The following MCF2L2 variants were observed in gnomAD, a reference collection of about 807,000 sequenced individuals.
MCF2L2 encodes probable guanine nucleotide exchange factor MCF2L2.
Under a neutral mutation model 150.2 loss-of-function variants are expected in MCF2L2, and 102 were observed. The observed-to-expected ratio is 0.68, with a 90% CI of 0.58 to 0.80. MCF2L2 has a LOEUF of 0.80. MCF2L2 is among the 30% of genes least tolerant of loss of function. The pLI, the probability that MCF2L2 is intolerant of heterozygous loss-of-function variation, is 0.00. For missense variants in MCF2L2, 1,256 were observed against 1,372.8 expected (o/e 0.91, Z 1.34); for synonymous variants, 465 against 491.3 (o/e 0.95, Z 0.71).
Position 183,224,150 on chromosome 3 carries a change from A to C in MCF2L2, c.2156T>G (p.Leu719Arg), listed in dbSNP as rs1171918223. The C allele has an allele frequency of 6.2e-7, 1 of 1,614,070 alleles. No individual in the cohort carries two copies. The highest frequency in any genetic ancestry group is 8.5e-7 in the Non-Finnish European group (1 of 1,179,926). Reference sequence around the variant, plus strand: ...TTGCCAGATTGCCCTAGCTCGGGGCAGATTCTTATGGTATTTAAAATATAT... The same window carrying C: ...TTGCCAGATTGCCCTAGCTCGGGGCCGATTCTTATGGTATTTAAAATATAT... ...LQIYFKYHKN[L>R]PRARAIWQEC... Residue 719 changes from leucine (L) to arginine (R), a missense_variant, in exon 19 of 30, where the codon CTG (leucine) becomes CGG (arginine). Coordinates refer to ENST00000328913, the MANE Select transcript of MCF2L2 (RefSeq NM_015078.4).
chr3:183,405,087 AAGC>A (rs1714974660), intron 1 of MCF2L2, among the ~76,000 whole-genome samples: 1 of 152,180 alleles, frequency 6.6e-6, no homozygotes, highest in Non-Finnish European at 1.5e-5. Flanking sequence ...TAGTTTTCAT[AAGC>A]AGAATATAAT....
chr3:183,279,176 T>C (rs7434257), intron 14 of MCF2L2, among the ~76,000 whole-genome samples: 3,879 of 151,178 alleles, frequency 0.026, 171 homozygotes, highest in African/African-American at 0.087. Context: ...CACACACACA[T>C]ACACACACAC....
chr3:183,403,960 T>G (rs1346901718), intron 1 of MCF2L2, among the ~76,000 whole-genome samples: 1 of 152,076 alleles, frequency 6.6e-6, no homozygotes, highest in African/African-American at 2.4e-5. Context: ...AAAAAGTGGT[T>G]TGAGGCTCAG....
chr3:183,296,650 C>A, intron 12 of MCF2L2: 1 of 220,432 alleles, frequency 4.5e-6, no homozygotes, highest in Non-Finnish European at 9.1e-6. Flanking sequence ...GTCAGCCTCT[C>A]CCACAAACTG....
chr3:183,295,241 T>C, intron 13 of MCF2L2, 59 bp downstream of exon 13: 1 of 1,511,198 alleles, frequency 6.6e-7, no homozygotes, highest in Non-Finnish European at 8.9e-7. Flanking sequence ...CCAGTCACAG[T>C]CCTCATGGTG....
intron 15 of MCF2L2, chr3:183,269,723 A>T (rs890246340): frequency 2.9e-6 from 4 of 1,360,926 alleles, no homozygotes; most frequent in Admixed American, 4.6e-5. Flanking sequence ...ACTCTACGAA[A>T]CACGAAGTTC....
chr3:183,219,142 A>G (rs532510967), intron 21 of MCF2L2, among the ~76,000 whole-genome samples: 1 of 152,324 alleles, frequency 6.6e-6, no homozygotes, highest in East Asian at 1.9e-4. Context: ...ACACACGCAC[A>G]CACACACACA....
chr3:183,291,707 A>C (rs1323774398), intron 13 of MCF2L2, among the ~76,000 whole-genome samples: 3 of 152,270 alleles, frequency 2.0e-5, no homozygotes, highest in African/African-American at 4.8e-5. Context: ...GTCCACACTC[A>C]GTAGATACTT....
chr3:183,400,233 G>A (rs540903145), intron 1 of MCF2L2: 3 of 297,524 alleles, frequency 1.0e-5, no homozygotes, highest in Admixed American at 4.7e-5. Context: ...AACTTGAGAC[G>A]GTACTGCAAA....
intron 22 of MCF2L2, among the ~76,000 whole-genome samples, chr3:183,211,064 T>C (rs1722701496): frequency 6.6e-6 from 1 of 151,682 alleles, no homozygotes; most frequent in Non-Finnish European, 1.5e-5. Flanking sequence ...GAAACAGAAC[T>C]ATGAAGAAGG....
At position 183,351,190 on chromosome 3, in the gene MCF2L2, G is replaced by GTGTATA. The variant is rs1491563903; in HGVS notation, c.276-9561_276-9560insTATACA. Among the ~76,000 whole-genome samples the GTGTATA allele has an allele frequency of 1.5e-3, 57 of 38,820 alleles. 3 individuals carry two copies. Among genetic ancestry groups the GTGTATA allele is most frequent in the East Asian group, 6.4e-3 (7 of 1,088 alleles). 25.5% of individuals were successfully genotyped at this position (38,820 alleles called of 152,430 possible). A position where few individuals can be genotyped will look rare whatever the true frequency, so the allele number is the denominator to read the frequency against. ...GTGTGTGTGATATTTATTTTCTTAA[G>GTGTATA]TATATATATATATATATATATATAT... On this transcript the variant is annotated intron_variant, in intron 3 of 29. Transcript: ENST00000328913.
At chr3:183,318,008 G>A (rs991937772) in intron 7 of MCF2L2, 60 bp downstream of exon 7, 10 of 1,583,556 alleles carry the variant, frequency 6.3e-6, no homozygotes, top group Middle Eastern at 1.7e-4. Flanking sequence ...AGCTCTCTCC[G>A]AGAGGCAGGC....
intron 1 of MCF2L2, among the ~76,000 whole-genome samples, chr3:183,396,221 G>A (rs538613660): frequency 2.6e-5 from 4 of 152,158 alleles, no homozygotes; most frequent in Non-Finnish European, 5.9e-5. Context: ...AAGAAAATGT[G>A]ACCGCATCCA....
chr3:183,289,244 G>A (rs1313473036), intron 13 of MCF2L2, 24 bp from the exon 14 acceptor site: 15 of 1,488,580 alleles, frequency 1.0e-5, no homozygotes, highest in Admixed American at 1.7e-5. Context: ...CCATTAGTGT[G>A]GTTATTTAAC....
chr3:183,409,888 C>A (rs562553945), intron 1 of MCF2L2, among the ~76,000 whole-genome samples: 1 of 133,486 alleles, frequency 7.5e-6, no homozygotes, highest in Admixed American at 7.3e-5. Flanking sequence ...TTTCCATATC[C>A]TCTAGCCTTT....
chr3:183,207,505 C>G, intron 23 of MCF2L2, 103 bp downstream of exon 23: 1 of 889,360 alleles, frequency 1.1e-6, no homozygotes, highest in Non-Finnish European at 1.8e-6. Context: ...GGCAAGTTAA[C>G]TTCACCTCTC....
rs1446806263 is a variant in MCF2L2 at position 183,272,241 on chromosome 3, TA to T, written c.1862+4630del. The T allele has an allele frequency of 2.3e-5, 23 of 1,000,160 alleles. No homozygotes were observed. The African/African-American group carries it at 3.3e-4, about 14-fold the overall frequency. The allele number at this position is 1,000,160 out of a possible 1,614,324, so 62.0% of individuals were successfully genotyped here. ...ACAAAGCAGGATAAAAATGTGGCTA[TA>T]ATACACACTACCTCCCTTCACTACA... On this transcript the variant is annotated intron_variant, in intron 15 of 29. Coordinates refer to ENST00000328913, the MANE Select transcript of MCF2L2 (RefSeq NM_015078.4).
At chr3:183,276,675 A>G (rs1727167764) in intron 15 of MCF2L2, 197 bp downstream of exon 15, 1 of 449,824 alleles carries the variant, frequency 2.2e-6, no homozygotes, top group African/African-American at 2.0e-5. Context: ...CTAAGATGTC[A>G]CTTTAAGCTC....
chr3:183,394,523 T>C (rs1714335825), intron 1 of MCF2L2, among the ~76,000 whole-genome samples: 1 of 152,240 alleles, frequency 6.6e-6, no homozygotes, highest in African/African-American at 2.4e-5. Flanking sequence ...GCATAATGCA[T>C]TTCACTGCTC....
Sources: gnomAD v4.1 joint callset for allele counts (sites outside exome capture counted in the v4.1 genomes callset) on GRCh38, gnomAD v4.1.1 for gene constraint, MANE v1.5 for transcripts, NCBI Gene and HGNC (gene_info 2026-07-23, HGNC 2026-07-21) for gene names.